The following SLC27A6 variants were observed in gnomAD, a reference collection of about 807,000 sequenced individuals.
SLC27A6 encodes the protein long-chain fatty acid transport protein 6.
In SLC27A6, 74 loss-of-function variants were observed where a neutral mutation model predicts 63.9. The ratio of observed to expected loss-of-function variants is 1.16; its 90% CI spans 0.96 to 1.40. The LOEUF (loss-of-function observed/expected upper bound fraction) is 1.40, where lower values mean the gene tolerates loss of function less well. Ranked by LOEUF, SLC27A6 falls within the 40% of genes most tolerant of loss-of-function variation. The pLI, the probability that SLC27A6 is intolerant of heterozygous loss-of-function variation, is 0.00. For synonymous variants in SLC27A6, 287 were observed against 260.8 expected (o/e 1.10, Z -0.97); for missense variants, 794 against 732.9 (o/e 1.08, Z -0.96).
At chr5:129,023,502 CCAATTATTTATTT>C in intron 5 of SLC27A6, 105 bp from the exon 6 acceptor site, 1 of 581,732 alleles carries the variant, frequency 1.7e-6, no homozygotes, top group Admixed American at 3.5e-5. Flanking sequence ...ACTCCATATT[CCAATTATTTATTT>C]CAATTAGCAT....
In SLC27A6 at chr5:129,033,613, T is replaced by C. The variant is rs973040459; in HGVS notation, c.*331T>C. ...AATAAGTAAAATTTCTAATTTTGAA[T>C]AAAAGATTAAATTTTACTGAAATAT... On this transcript the variant is annotated 3_prime_UTR_variant, in exon 10 of 10. Coordinates refer to ENST00000262462, the MANE Select transcript of SLC27A6 (RefSeq NM_001017372.3). 2.0e-5 allele frequency: 3 copies of C among 153,790 alleles called. No individual in the cohort carries two copies. The highest frequency in any genetic ancestry group is 7.2e-5 in the African/African-American group (3 of 41,488). The allele number at this position is 153,790 out of a possible 1,614,324, so 9.5% of individuals were successfully genotyped here. A position where few individuals can be genotyped will look rare whatever the true frequency, so the allele number is the denominator to read the frequency against.
At chr5:128,986,285 C>T (rs1162604310) in intron 2 of SLC27A6, among the ~76,000 whole-genome samples, 1 of 152,134 alleles carries the variant, frequency 6.6e-6, no homozygotes, top group African/African-American at 2.4e-5. Flanking sequence ...GCACTCCAGC[C>T]TGGGCAACAG....
chr5:129,004,797 C>A (rs1043669201), intron 4 of SLC27A6, among the ~76,000 whole-genome samples: 2 of 152,094 alleles, frequency 1.3e-5, no homozygotes, highest in South Asian at 4.2e-4. Flanking sequence ...AGTATAAAAC[C>A]AAATATAATT....
intron 1 of SLC27A6, among the ~76,000 whole-genome samples, chr5:128,984,131 A>G (rs1245840346): frequency 6.6e-6 from 1 of 152,204 alleles, no homozygotes; most frequent in Non-Finnish European, 1.5e-5. Flanking sequence ...GATCCATGCT[A>G]AAGTAAGGGA....
chr5:129,016,765 C>T (rs183468082), intron 5 of SLC27A6, among the ~76,000 whole-genome samples: 4 of 152,074 alleles, frequency 2.6e-5, no homozygotes, highest in South Asian at 4.1e-4. Context: ...TATCTTTCAT[C>T]GTTTATACCA....
intron 4 of SLC27A6, among the ~76,000 whole-genome samples, chr5:129,012,931 AT>A: frequency 6.6e-6 from 1 of 151,680 alleles, no homozygotes; most frequent in East Asian, 1.9e-4. Flanking sequence ...GTCCATTTAC[AT>A]TTTATGTACT....
At position 128,996,717 on chromosome 5, in the gene SLC27A6, A is replaced by G. The variant is rs78740166; in HGVS notation, c.969+6253A>G. 6.1e-3 allele frequency among the ~76,000 whole-genome samples: 927 copies of G among 152,302 alleles called. 4 individuals carry two copies. The highest frequency in any genetic ancestry group is 0.02 in the African/African-American group (838 of 41,574). On this transcript the variant is annotated intron_variant, in intron 4 of 9. Transcript: ENST00000262462. ...GGAAACCTGCTTTCTTTTCTCCAAA[A>G]GAATGTATCATTCCTTTCAAGAGTT...
At chr5:129,002,226 G>T (rs548221197) in intron 4 of SLC27A6, among the ~76,000 whole-genome samples, 1 of 152,300 alleles carries the variant, frequency 6.6e-6, no homozygotes, top group Admixed American at 6.5e-5. Context: ...TTTGAATGTG[G>T]CTTACTCAAT....
chr5:128,981,305 A>AC (rs1316891341), intron 1 of SLC27A6, among the ~76,000 whole-genome samples: 1 of 151,600 alleles, frequency 6.6e-6, no homozygotes, highest in Non-Finnish European at 1.5e-5. Context: ...CATGGTAAAA[A>AC]CCCCGTCTCT....
intron 1 of SLC27A6, among the ~76,000 whole-genome samples, chr5:128,976,535 AAAC>A (rs1750387849): frequency 6.6e-6 from 1 of 152,154 alleles, no homozygotes; most frequent in Non-Finnish European, 1.5e-5. Context: ...AAACAAAACA[AAAC>A]AAAAAATCCA....
At chr5:129,009,370 C>T (rs1350794989) in intron 4 of SLC27A6, among the ~76,000 whole-genome samples, 2 of 152,022 alleles carry the variant, frequency 1.3e-5, no homozygotes, top group South Asian at 2.1e-4. Flanking sequence ...TCAGTTTTAA[C>T]TGTCGTCTAC....
In SLC27A6 at chr5:128,965,958, C is replaced by A. The variant is rs1273159474; in HGVS notation, c.-180C>A. The stretch of plus-strand genomic sequence containing the variant: ...CTTGGGGCGACCTTTTCGGTGCAAA[C>A]CTACGATTCTGTTTCTCAGGATTCC... On this transcript the variant is annotated 5_prime_UTR_variant, in exon 1 of 10. Coordinates refer to ENST00000262462, the MANE Select transcript of SLC27A6 (RefSeq NM_001017372.3). The A allele has an allele frequency of 4.6e-6, 3 of 653,758 alleles. No homozygotes were observed. Among genetic ancestry groups the A allele is most frequent in the Non-Finnish European group, 7.0e-6 (3 of 429,770 alleles). 40.5% of individuals were successfully genotyped at this position (653,758 alleles called of 1,614,324 possible). A position where few individuals can be genotyped will look rare whatever the true frequency, so the allele number is the denominator to read the frequency against.
intron 2 of SLC27A6, among the ~76,000 whole-genome samples, chr5:128,988,292 A>G (rs909289530): frequency 1.3e-5 from 2 of 152,204 alleles, no homozygotes; most frequent in African/African-American, 2.4e-5. Flanking sequence ...ACTGAAACCA[A>G]ATGTGTGCTA....
rs1179371442 is a variant in SLC27A6 at position 129,007,461 on chromosome 5, A to T, written c.970-8424A>T. On this transcript the variant is annotated intron_variant, in intron 4 of 9. Transcript: ENST00000262462. ...CAGTCTTAAAAAAAAAAAAAAAAAA[A>T]AAAATATAATGTTAAAAATAAAAAT... Among the ~76,000 whole-genome samples, 262 of 147,658 alleles carry T rather than the reference A, an allele frequency of 1.8e-3. 2 individuals carry two copies. Among genetic ancestry groups the T allele is most frequent in the African/African-American group, 5.8e-3 (237 of 40,560 alleles).
At position 128,995,453 on chromosome 5, in the gene SLC27A6, A is replaced by C. The variant is rs569251584; in HGVS notation, c.969+4989A>C. Among the ~76,000 whole-genome samples, 4 of 152,346 alleles carry C rather than the reference A, an allele frequency of 2.6e-5. No individual in the cohort carries two copies. In the South Asian group the frequency reaches 8.3e-4, roughly 32 times the overall value. On this transcript the variant is annotated intron_variant, in intron 4 of 9. Transcript: ENST00000262462. ...GGGAGAGAAAATAAACCCAGCAAAC[A>C]CAGATGAAAAGTAATTACAGACAAT...
At chr5:129,004,969 C>G (rs998395221) in intron 4 of SLC27A6, among the ~76,000 whole-genome samples, 2 of 152,138 alleles carry the variant, frequency 1.3e-5, no homozygotes, top group African/African-American at 4.8e-5. Context: ...CATCATCACC[C>G]ACATCATCTT....
chr5:129,004,600 G>A (rs1183064943), intron 4 of SLC27A6, among the ~76,000 whole-genome samples: 3 of 152,020 alleles, frequency 2.0e-5, no homozygotes, highest in Non-Finnish European at 2.9e-5. Context: ...TTAGATATTC[G>A]GTGATATTTA....
intron 4 of SLC27A6, among the ~76,000 whole-genome samples, chr5:129,001,036 C>T (rs866087033): frequency 5.3e-5 from 8 of 152,288 alleles, no homozygotes; most frequent in African/African-American, 1.7e-4. Context: ...TCTTTTCAAA[C>T]TATCTTTTGT....
intron 6 of SLC27A6, among the ~76,000 whole-genome samples, chr5:129,024,900 TA>T (rs1752185919): frequency 6.6e-6 from 1 of 152,162 alleles, no homozygotes; most frequent in South Asian, 2.1e-4. Context: ...CTTTGTCTAT[TA>T]AAAAACAAAT....
Sources: allele counts gnomAD v4.1 joint callset (sites outside exome capture counted in the v4.1 genomes callset), GRCh38; gene constraint gnomAD v4.1.1; transcripts MANE v1.5; gene names NCBI Gene and HGNC (gene_info 2026-07-23, HGNC 2026-07-21).